The following TLN2 variants were observed in gnomAD, a reference collection of about 807,000 sequenced individuals.
The protein encoded by TLN2 is talin-2.
TLN2 carries 118 observed loss-of-function variants against 294.7 expected under a neutral mutation model. The observed-to-expected ratio is 0.40, with a 90% CI of 0.34 to 0.47. TLN2 has a LOEUF of 0.47. TLN2 is among the 20% of genes least tolerant of loss of function. TLN2 has a pLI of 0.84. For missense variants in TLN2, 3,083 were observed against 3,282.2 expected, an observed-to-expected ratio of 0.94 and a Z score of 1.48; for synonymous variants, 1,431 against 1,304.5, an observed-to-expected ratio of 1.10 and a Z score of -2.09.
chr15:62,609,452 C>G (rs932163245), intron 2 of TLN2, among the ~76,000 whole-genome samples: 1 of 152,186 alleles, frequency 6.6e-6, no homozygotes, highest in African/African-American at 2.4e-5. Flanking sequence ...GTTGCCTTAA[C>G]TTGTCTTGTG....
chr15:62,662,747 T>A (rs1188890915), intron 9 of TLN2, among the ~76,000 whole-genome samples: 1 of 151,814 alleles, frequency 6.6e-6, no homozygotes, highest in Non-Finnish European at 1.5e-5. Context: ...ACATAATATA[T>A]TCATGATGAT....
intron 22 of TLN2, among the ~76,000 whole-genome samples, chr15:62,714,400 C>T (rs934196078): frequency 6.6e-6 from 1 of 151,788 alleles, no homozygotes; most frequent in Admixed American, 6.6e-5. Flanking sequence ...GACAGGGTTT[C>T]CCCGTGTTAG....
rs56986714 is a variant in TLN2 at position 62,551,513 on chromosome 15, T to TACACACACACACACAC, written c.-237-38154_-237-38139dup. On this transcript the variant is annotated intron_variant, in intron 1 of 58. Coordinates refer to ENST00000636159, the MANE Select transcript of TLN2 (RefSeq NM_015059.3). Reference sequence around the variant, plus strand: ...AGTGAAAGCCAATCTCTACTAAAAATACACACACACACACACACACACACA... The same window carrying TACACACACACACACAC: ...AGTGAAAGCCAATCTCTACTAAAAATACACACACACACACACACACACACACACACACACACACACA... 6.0e-3 allele frequency among the ~76,000 whole-genome samples: 879 copies of TACACACACACACACAC among 147,070 alleles called. 7 individuals carry two copies. Among genetic ancestry groups the TACACACACACACACAC allele is most frequent in the African/African-American group, 0.021 (842 of 39,770 alleles).
chr15:62,487,280 C>G lies in TLN2; in HGVS notation c.-238+96595C>G, dbSNP rs538823471. On this transcript the variant is annotated intron_variant, in intron 1 of 58. Transcript: ENST00000636159. ...ACATACCAGGCTAGTCAGACCTGCC[C>G]TGGCTGCTCATTCACCGATTATGAG... Among the ~76,000 whole-genome samples, 14 of 152,304 alleles carry G rather than the reference C, an allele frequency of 9.2e-5. 1 individual carries two copies. In the East Asian group the frequency reaches 1.3e-3, roughly 15 times the overall value.
In TLN2 at chr15:62,838,996, C is replaced by G. The variant is rs778535683; in HGVS notation, c.7500+15C>G. ...GCATTGCTCAGGTTTGTAATTAAAT[C>G]AAGAATAGTATTTACTTCCCGAGAG... On this transcript the variant is annotated intron_variant, in intron 58 of 58. Transcript: ENST00000636159. 1.2e-6 allele frequency: 2 copies of G among 1,612,946 alleles called. No homozygotes were observed. The highest frequency in any genetic ancestry group is 1.7e-6 in the Non-Finnish European group (2 of 1,179,540).
intron 1 of TLN2, among the ~76,000 whole-genome samples, chr15:62,418,260 T>C (rs1429317464): frequency 6.6e-6 from 1 of 152,188 alleles, no homozygotes; most frequent in African/African-American, 2.4e-5. Flanking sequence ...TCTCTCCCAG[T>C]TGTGCCTGGT....
chr15:62,839,196 T>C (rs2070271538), intron 58 of TLN2, among the ~76,000 whole-genome samples: 1 of 152,166 alleles, frequency 6.6e-6, no homozygotes, highest in Non-Finnish European at 1.5e-5. Flanking sequence ...CCACGTTGGT[T>C]CAGTAGCCCC....
intron 57 of TLN2, chr15:62,838,200 C>G (rs1490843061): frequency 6.6e-6 from 1 of 152,286 alleles, no homozygotes; most frequent in Non-Finnish European, 1.5e-5. Flanking sequence ...AGGCTCCCAG[C>G]CCTTCCACAG....
At chr15:62,811,281 C>G (rs1279837428) in intron 52 of TLN2, among the ~76,000 whole-genome samples, 2 of 152,054 alleles carry the variant, frequency 1.3e-5, no homozygotes, top group Non-Finnish European at 2.9e-5. Flanking sequence ...AAGTCTGAAC[C>G]CTTGTAAATA....
chr15:62,796,187 G>GCCGCCA lies in TLN2; in HGVS notation c.5949_5954dup (p.Thr1984_Ala1985dup), dbSNP rs1351676418. 3 of 1,614,234 alleles carry GCCGCCA rather than the reference G, an allele frequency of 1.9e-6. No individual in the cohort carries two copies. The South Asian group carries it at 3.3e-5, about 18-fold the overall frequency. The stretch of plus-strand genomic sequence containing the variant: ...CAAAGGAACCCAGGCATGCATTACA[G>GCCGCCA]CCGCCACCGCTGTGTCTGGGATCAT... On this transcript the variant is annotated inframe_insertion, in exon 47 of 59. Transcript: ENST00000636159.
chr15:62,687,738 A>G (rs952122513), intron 12 of TLN2: 4 of 152,214 alleles, frequency 2.6e-5, no homozygotes, highest in African/African-American at 9.6e-5. Flanking sequence ...AGAAGGGGCC[A>G]TGGAAAGAGT....
intron 2 of TLN2, among the ~76,000 whole-genome samples, chr15:62,608,339 G>C (rs1231807271): frequency 6.6e-6 from 1 of 152,094 alleles, no homozygotes; most frequent in Admixed American, 6.5e-5. Context: ...AGAATAGTGG[G>C]CATCCATTAT....
intron 1 of TLN2, among the ~76,000 whole-genome samples, chr15:62,405,185 G>A (rs2033315638): frequency 2.0e-5 from 3 of 152,230 alleles, no homozygotes; most frequent in African/African-American, 7.2e-5. Flanking sequence ...TCAGGGTTGC[G>A]GTTCTTAGCC....
At chr15:62,420,849 C>T (rs1312991527) in intron 1 of TLN2, among the ~76,000 whole-genome samples, 4 of 152,134 alleles carry the variant, frequency 2.6e-5, no homozygotes, top group East Asian at 1.9e-4. Flanking sequence ...TGAAGGAACT[C>T]CTCAAATCTC....
intron 1 of TLN2, among the ~76,000 whole-genome samples, chr15:62,404,941 C>T (rs2033298736): frequency 6.6e-6 from 1 of 152,162 alleles, no homozygotes; most frequent in Admixed American, 6.5e-5. Flanking sequence ...TTAGTACACC[C>T]AGGAAGACAG....
intron 25 of TLN2, among the ~76,000 whole-genome samples, chr15:62,720,601 G>T (rs1651561148): frequency 2.0e-5 from 3 of 151,602 alleles, no homozygotes; most frequent in Admixed American, 6.6e-5. Flanking sequence ...AAACATGAAA[G>T]GTTTGATATA....
chr15:62,713,709 G>C (rs1463277081), intron 22 of TLN2, among the ~76,000 whole-genome samples: 1 of 151,964 alleles, frequency 6.6e-6, no homozygotes, highest in Non-Finnish European at 1.5e-5. Context: ...CACATAGTGA[G>C]CCATGTAGAG....
intron 1 of TLN2, among the ~76,000 whole-genome samples, chr15:62,578,200 G>A (rs1221101800): frequency 1.3e-5 from 2 of 152,050 alleles, no homozygotes; most frequent in Non-Finnish European, 1.5e-5. Flanking sequence ...CATGTATATG[G>A]TACATGACGT....
intron 42 of TLN2, 146 bp downstream of exon 42, chr15:62,771,280 T>C: frequency 2.1e-6 from 2 of 941,466 alleles, no homozygotes; most frequent in South Asian, 3.2e-5. Context: ...AATAATCTAT[T>C]GGCCTTCCCA....
Sources: gnomAD v4.1 joint callset for allele counts (sites outside exome capture counted in the v4.1 genomes callset) on GRCh38, gnomAD v4.1.1 for gene constraint, MANE v1.5 for transcripts, NCBI Gene and HGNC (gene_info 2026-07-23, HGNC 2026-07-21) for gene names.